The following FBN2 variants were observed in gnomAD, a reference collection of about 807,000 sequenced individuals.
The protein encoded by FBN2 is fibrillin-2.
A neutral mutation model predicts 355.6 loss-of-function variants in FBN2; 105 were observed. The ratio of observed to expected loss-of-function variants is 0.30; its 90% CI spans 0.25 to 0.35. FBN2 has a LOEUF of 0.35. Among genes scored for constraint, FBN2 ranks in the 10% least tolerant of loss-of-function variants. The pLI, the probability that FBN2 is intolerant of heterozygous loss-of-function variation, is 1.00. For missense variants in FBN2, 3,280 were observed against 3,758.7 expected (o/e 0.87, Z 3.33); for synonymous variants, 1,350 against 1,301.2 (o/e 1.04, Z -0.81).
At chr5:128,283,078 G>T (rs371936170) in intron 55 of FBN2, among the ~76,000 whole-genome samples, 1 of 152,112 alleles carries the variant, frequency 6.6e-6, no homozygotes, top group African/African-American at 2.4e-5. Context: ...TCAACCTTTT[G>T]TCTTCTTCCA....
At chr5:128,455,559 CA>C (rs879727141) in intron 6 of FBN2, among the ~76,000 whole-genome samples, 1 of 149,668 alleles carries the variant, frequency 6.7e-6, no homozygotes, top group Admixed American at 6.6e-5. Context: ...AGGCTCCCAT[CA>C]AAAAAAAACA....
At chr5:128,455,419 T>C (rs1754353535) in intron 6 of FBN2, among the ~76,000 whole-genome samples, 1 of 152,176 alleles carries the variant, frequency 6.6e-6, no homozygotes, top group African/African-American at 2.4e-5. Flanking sequence ...CAAGAATTGA[T>C]ATGACTGATT....
chr5:128,425,114 A>T (rs1753452715), intron 7 of FBN2, among the ~76,000 whole-genome samples: 1 of 151,856 alleles, frequency 6.6e-6, no homozygotes, highest in South Asian at 2.1e-4. Context: ...TCCAAATTTA[A>T]GACACATTAG....
At chr5:128,469,105 GA>G (rs1754787988) in intron 5 of FBN2, among the ~76,000 whole-genome samples, 2 of 152,170 alleles carry the variant, frequency 1.3e-5, no homozygotes, top group Non-Finnish European at 2.9e-5. Flanking sequence ...AAGTGAATAA[GA>G]AAGAGAGGAG....
chr5:128,288,641 C>G, intron 52 of FBN2, 84 bp from the exon 53 acceptor site: 1 of 1,509,962 alleles, frequency 6.6e-7, no homozygotes, highest in Non-Finnish European at 9.1e-7. Context: ...TTGGCCCTCA[C>G]CCATTTCCAG....
At chr5:128,444,133 C>T (rs1449074350) in intron 7 of FBN2, among the ~76,000 whole-genome samples, 2 of 129,356 alleles carry the variant, frequency 1.5e-5, no homozygotes, top group Non-Finnish European at 3.1e-5. Context: ...ACTGCAGTGG[C>T]GCGATCTCGG....
In FBN2 at chr5:128,263,548, GAGA is replaced by G. The variant is rs756266283; in HGVS notation, c.8066_8068del (p.Phe2689del). On this transcript the variant is annotated inframe_deletion, in exon 63 of 65. Transcript: ENST00000262464. ...CTCATTCACGTCGTGGCAGGCACTG[GAGA>G]ACTGGTCGAAGGAGAACCCCGAGGG... The G allele has an allele frequency of 3.3e-5, 54 of 1,614,052 alleles. No individual in the cohort carries two copies. The African/African-American group carries it at 5.9e-4, about 18-fold the overall frequency.
chr5:128,261,402 G>A (rs1764960913), intron 64 of FBN2, among the ~76,000 whole-genome samples: 1 of 152,118 alleles, frequency 6.6e-6, no homozygotes, highest in African/African-American at 2.4e-5. Flanking sequence ...TTATAAAACA[G>A]AACTGAACAA....
At chr5:128,401,818 C>T (rs934004312) in intron 8 of FBN2, among the ~76,000 whole-genome samples, 2 of 152,236 alleles carry the variant, frequency 1.3e-5, no homozygotes, top group Admixed American at 6.5e-5. Context: ...TTGTTCTACA[C>T]AGTTTGGAAA....
At chr5:128,344,201 T>C (rs1751104651) in intron 25 of FBN2, among the ~76,000 whole-genome samples, 184 bp downstream of exon 25, 1 of 152,198 alleles carries the variant, frequency 6.6e-6, no homozygotes, top group Non-Finnish European at 1.5e-5. Flanking sequence ...CAGTGAGCCA[T>C]GATCATGTCT....
chr5:128,305,137 C>A, intron 44 of FBN2, 55 bp from the exon 45 acceptor site: 1 of 1,417,032 alleles, frequency 7.1e-7, no homozygotes, highest in African/African-American at 1.4e-5. Context: ...AAGATTTCTT[C>A]ATTTTTCACA....
chr5:128,518,825 C>T (rs1274102448), intron 5 of FBN2, among the ~76,000 whole-genome samples: 1 of 152,154 alleles, frequency 6.6e-6, no homozygotes, highest in Non-Finnish European at 1.5e-5. Flanking sequence ...TCACATCCTA[C>T]CTGAGGCCCA....
chr5:128,450,006 T>A (rs1356699870), intron 6 of FBN2, among the ~76,000 whole-genome samples: 1 of 152,116 alleles, frequency 6.6e-6, no homozygotes, highest in Non-Finnish European at 1.5e-5. Flanking sequence ...TGTGCATGCA[T>A]GATTATAAAG....
At chr5:128,487,759 C>T (rs1755377626) in intron 5 of FBN2, among the ~76,000 whole-genome samples, 1 of 151,790 alleles carries the variant, frequency 6.6e-6, no homozygotes, top group Non-Finnish European at 1.5e-5. Context: ...CAAAGAAAAC[C>T]CAATGATAAG....
At chr5:128,290,922 T>A in intron 49 of FBN2, 38 bp from the exon 50 acceptor site, 1 of 1,586,666 alleles carries the variant, frequency 6.3e-7, no homozygotes, top group African/African-American at 1.3e-5. Flanking sequence ...GGAATTATTT[T>A]GTAACACTGT....
At chr5:128,435,842 A>C (rs2127038339) in intron 7 of FBN2, among the ~76,000 whole-genome samples, 1 of 152,292 alleles carries the variant, frequency 6.6e-6, no homozygotes, top group South Asian at 2.1e-4. Context: ...CATGCCAAAG[A>C]TTACCTTTTG....
chr5:128,297,111 G>T (rs550863582), intron 48 of FBN2, among the ~76,000 whole-genome samples: 3 of 152,234 alleles, frequency 2.0e-5, no homozygotes, highest in African/African-American at 7.2e-5. Flanking sequence ...TAGTCATTCA[G>T]GAGCAGGTTG....
At chr5:128,280,689 G>T (rs1421065191) in intron 55 of FBN2, among the ~76,000 whole-genome samples, 1 of 152,064 alleles carries the variant, frequency 6.6e-6, no homozygotes, top group Admixed American at 6.6e-5. Flanking sequence ...TGTGGGGAGA[G>T]GGATGGTGGG....
At chr5:128,473,277 C>T (rs550853856) in intron 5 of FBN2, among the ~76,000 whole-genome samples, 41 of 152,286 alleles carry the variant, frequency 2.7e-4, no homozygotes, top group African/African-American at 9.4e-4. Context: ...AGAGTAGAGG[C>T]AAAGAGTTTA....
Sources: gnomAD v4.1 joint callset for allele counts (sites outside exome capture counted in the v4.1 genomes callset) on GRCh38, gnomAD v4.1.1 for gene constraint, MANE v1.5 for transcripts, NCBI Gene and HGNC (gene_info 2026-07-23, HGNC 2026-07-21) for gene names.